The following DNAJC1 variants were observed in gnomAD, a reference collection of about 807,000 sequenced individuals.
DNAJC1 encodes the protein DnaJ heat shock protein family (Hsp40) member C1, also known as dnaJ homolog subfamily C member 1.
In DNAJC1, 58 loss-of-function variants were observed where a neutral mutation model predicts 76.6. The ratio of observed to expected loss-of-function variants is 0.76; its 90% CI spans 0.61 to 0.94. The LOEUF is 0.94. Among genes scored for constraint, DNAJC1 ranks in the 40% least tolerant of loss-of-function variants. The probability of loss-of-function intolerance (pLI) is 0.00; values close to 1 mark genes in which losing one functional copy is unlikely to be tolerated. For synonymous variants in DNAJC1, 258 were observed against 267.9 expected (o/e 0.96, Z 0.36); for missense variants, 689 against 677.3 (o/e 1.02, Z -0.19).
intron 8 of DNAJC1, among the ~76,000 whole-genome samples, chr10:21,829,496 A>G (rs1341412239): frequency 1.3e-5 from 2 of 151,958 alleles, no homozygotes; most frequent in African/African-American, 4.8e-5. Context: ...GATTACAGGC[A>G]TGAGCCAATG....
intron 6 of DNAJC1, among the ~76,000 whole-genome samples, chr10:21,909,158 G>A (rs984067512): frequency 1.3e-5 from 2 of 152,160 alleles, no homozygotes; most frequent in Admixed American, 6.5e-5. Context: ...AAAGTGCTGG[G>A]ATTACAGGCG....
intron 9 of DNAJC1, among the ~76,000 whole-genome samples, chr10:21,805,770 T>C (rs962102210): frequency 1.3e-5 from 2 of 152,182 alleles, no homozygotes; most frequent in African/African-American, 2.4e-5. Flanking sequence ...CTCTAAACAC[T>C]AGAATTCCTC....
chr10:21,867,101 G>T (rs1564812094), intron 8 of DNAJC1, among the ~76,000 whole-genome samples: 1 of 151,916 alleles, frequency 6.6e-6, no homozygotes, highest in Non-Finnish European at 1.5e-5. Flanking sequence ...CATCTTTAGA[G>T]GAGAGATAAA....
At chr10:21,844,138 C>G (rs984816419) in intron 8 of DNAJC1, among the ~76,000 whole-genome samples, 24 of 152,134 alleles carry the variant, frequency 1.6e-4, no homozygotes, top group African/African-American at 5.6e-4. Flanking sequence ...AACTGTAAGT[C>G]AATTAAACCT....
At position 22,003,296 on chromosome 10, in the gene DNAJC1, C is replaced by T. The variant is rs550188276; in HGVS notation, c.139G>A (p.Gly47Ser). The stretch of plus-strand genomic sequence containing the variant: ...AACTCCAGGTCTCCGCTCTCCCAGC[C>T]GCGCGCCGGCGCCACGGCGGCCAGC... ...LLLAAVAPAR[G>S]WESGDLELFD... Residue 47 changes from glycine to serine, a missense_variant, in exon 1 of 12, where the codon GGC (glycine) becomes AGC (serine). Coordinates refer to ENST00000376980, the MANE Select transcript of DNAJC1 (RefSeq NM_022365.4). 2.4e-5 allele frequency: 37 copies of T among 1,530,490 alleles called. No individual in the cohort carries two copies. The South Asian group carries it at 3.9e-4, about 16-fold the overall frequency. The allele number at this position is 1,530,490 out of a possible 1,614,324, so 94.8% of individuals were successfully genotyped here. A position where few individuals can be genotyped will look rare whatever the true frequency, so the allele number is the denominator to read the frequency against.
At chr10:21,849,913 C>A (rs936417768) in intron 8 of DNAJC1, among the ~76,000 whole-genome samples, 8 of 151,998 alleles carry the variant, frequency 5.3e-5, no homozygotes, top group South Asian at 2.1e-4. Flanking sequence ...TGACAAAATT[C>A]AACACCCTTT....
chr10:21,797,915 A>C (rs1292390748), intron 9 of DNAJC1, among the ~76,000 whole-genome samples: 1 of 152,218 alleles, frequency 6.6e-6, no homozygotes, highest in Non-Finnish European at 1.5e-5. Flanking sequence ...ACAAACTCAG[A>C]TAATGAGGTA....
At chr10:21,957,166 A>G (rs1165759688) in intron 1 of DNAJC1, among the ~76,000 whole-genome samples, 1 of 152,116 alleles carries the variant, frequency 6.6e-6, no homozygotes, top group Non-Finnish European at 1.5e-5. Context: ...CTGGGATTAC[A>G]GGTGTGAGCC....
chr10:21,767,329 T>C (rs1589972461), intron 9 of DNAJC1, among the ~76,000 whole-genome samples: 1 of 152,350 alleles, frequency 6.6e-6, no homozygotes, highest in Middle Eastern at 3.4e-3. Flanking sequence ...GTATCATATT[T>C]CACGTCTTAT....
At chr10:21,941,473 CTT>C in intron 1 of DNAJC1, among the ~76,000 whole-genome samples, 1 of 151,910 alleles carries the variant, frequency 6.6e-6, no homozygotes, top group South Asian at 2.1e-4. Flanking sequence ...TTTAATATCT[CTT>C]TATCTAAAGA....
Position 21,756,607 on chromosome 10 carries a change from G to T in DNAJC1, c.*80C>A. On this transcript the variant is annotated 3_prime_UTR_variant, in exon 12 of 12. Coordinates refer to ENST00000376980, the MANE Select transcript of DNAJC1 (RefSeq NM_022365.4). ...AGGCACATGACGTAGAAATATTGAG[G>T]TACAAAATGCAAATTTCTGCATAAG... is the stretch of plus-strand genomic sequence containing the variant. The T allele has an allele frequency of 9.6e-7, 1 of 1,039,666 alleles. No individual in the cohort carries two copies. Among genetic ancestry groups the T allele is most frequent in the Non-Finnish European group, 1.5e-6 (1 of 668,700 alleles). 64.4% of individuals were successfully genotyped at this position (1,039,666 alleles called of 1,614,324 possible).
chr10:21,996,224 T>A (rs2131851493), intron 1 of DNAJC1, among the ~76,000 whole-genome samples: 1 of 152,254 alleles, frequency 6.6e-6, no homozygotes, highest in African/African-American at 2.4e-5. Context: ...TTAACTGGTA[T>A]CATTACTGTC....
chr10:21,947,766 G>A (rs1201764210), intron 1 of DNAJC1, among the ~76,000 whole-genome samples: 1 of 152,062 alleles, frequency 6.6e-6, no homozygotes, highest in Non-Finnish European at 1.5e-5. Flanking sequence ...AATTGTATAT[G>A]ACTTTTGTTT....
intron 8 of DNAJC1, among the ~76,000 whole-genome samples, chr10:21,862,106 C>T (rs566489448): frequency 3.9e-5 from 6 of 151,994 alleles, no homozygotes; most frequent in South Asian, 4.2e-4. Flanking sequence ...TTAGTAGAGA[C>T]GGGGTTTCTC....
At chr10:21,873,932 T>C (rs1490387651) in intron 8 of DNAJC1, among the ~76,000 whole-genome samples, 5 of 152,180 alleles carry the variant, frequency 3.3e-5, no homozygotes, top group Non-Finnish European at 7.3e-5. Context: ...TAATTCTAAG[T>C]AGACAGCTAT....
At chr10:21,964,247 C>T (rs577356627) in intron 1 of DNAJC1, among the ~76,000 whole-genome samples, 1 of 152,278 alleles carries the variant, frequency 6.6e-6, no homozygotes, top group Non-Finnish European at 1.5e-5. Flanking sequence ...CAGGGTCTCA[C>T]TCTGACACTC....
At chr10:21,964,371 T>C (rs1197098564) in intron 1 of DNAJC1, among the ~76,000 whole-genome samples, 3 of 152,210 alleles carry the variant, frequency 2.0e-5, no homozygotes, top group African/African-American at 7.2e-5. Context: ...CACGCCACCA[T>C]GCCTGGCTAA....
intron 7 of DNAJC1, among the ~76,000 whole-genome samples, chr10:21,894,935 G>A (rs1036280374): frequency 6.6e-6 from 1 of 152,194 alleles, no homozygotes; most frequent in African/African-American, 2.4e-5. Flanking sequence ...GGCCTCATCA[G>A]ATACTAAACT....
At position 21,771,786 on chromosome 10, in the gene DNAJC1, C is replaced by A. The variant is rs1834380768; in HGVS notation, c.1099-5477G>T. 2.0e-5 allele frequency among the ~76,000 whole-genome samples: 3 copies of A among 152,218 alleles called. No individual in the cohort carries two copies. The South Asian group carries it at 6.2e-4, about 32-fold the overall frequency. On this transcript the variant is annotated intron_variant, in intron 9 of 11. Transcript: ENST00000376980. The stretch of plus-strand genomic sequence containing the variant: ...GCGTTGGTATTACAGGTGGGAGCCA[C>A]TGAGTCCGGCTCAAACACTTCTCTT...
Sources: allele counts gnomAD v4.1 joint callset (sites outside exome capture counted in the v4.1 genomes callset), GRCh38; gene constraint gnomAD v4.1.1; transcripts MANE v1.5; gene names NCBI Gene and HGNC (gene_info 2026-07-23, HGNC 2026-07-21).